HECW2: variants seen among roughly 807,000 people sequenced by gnomAD.
HECW2 encodes HECT, C2 and WW domain containing E3 ubiquitin protein ligase 2.
Under a neutral mutation model 175.2 loss-of-function variants are expected in HECW2, and 61 were observed. That is an observed-to-expected ratio of 0.35 (90% CI 0.28 to 0.43). The LOEUF is 0.43. HECW2 is among the 20% of genes least tolerant of loss of function. The pLI is 1.00. For synonymous variants in HECW2, 671 were observed against 731.0 expected, an observed-to-expected ratio of 0.92 and a Z score of 1.32; for missense variants, 1,524 against 2,000.5, an observed-to-expected ratio of 0.76 and a Z score of 4.54.
intron 1 of HECW2, among the ~76,000 whole-genome samples, chr2:196,444,199 G>A (rs1369788701): frequency 1.3e-5 from 2 of 152,154 alleles, no homozygotes; most frequent in South Asian, 2.1e-4. Flanking sequence ...AACATTACCT[G>A]TAGTTAAGTT....
rs1365319286 is a variant in HECW2, at chr2:196,209,757, C to CTTTTTT, written c.4607+6107_4607+6108insAAAAAA. The stretch of plus-strand genomic sequence containing the variant: ...TCTCTTGTTCTGATGGTTTTTCTTT[C>CTTTTTT]TTTCTTTCTTTTTTTTTTTTTTTTG... On this transcript the variant is annotated intron_variant, in intron 28 of 28. Coordinates refer to ENST00000644978, the MANE Select transcript of HECW2 (RefSeq NM_001348768.2). Among the ~76,000 whole-genome samples the CTTTTTT allele has an allele frequency of 9.4e-4, 134 of 142,390 alleles. 3 individuals carry two copies. The highest frequency in any genetic ancestry group is 3.3e-3 in the African/African-American group (123 of 37,598). 93.4% of individuals were successfully genotyped at this position (142,390 alleles called of 152,430 possible).
chr2:196,240,691 T>C, intron 20 of HECW2, 129 bp from the exon 21 acceptor site: 1 of 904,142 alleles, frequency 1.1e-6, no homozygotes, highest in Non-Finnish European at 1.6e-6. Context: ...TTAATATCAT[T>C]GCTGTCTGCA....
rs768301093 is a variant in HECW2, at chr2:196,236,449, TAATAC to T, written c.3764+3995_3764+3999del. On this transcript the variant is annotated intron_variant, in intron 21 of 28. Transcript: ENST00000644978. ...CACAGATTAACATCTTACATTAGTATAATACATTTGTTATAATTAATAAACCAATA... is the reference window on the plus strand; with the variant it reads ...CACAGATTAACATCTTACATTAGTATATTTGTTATAATTAATAAACCAATA... Among the ~76,000 whole-genome samples the T allele has an allele frequency of 1.8e-3, 272 of 152,364 alleles. 2 individuals carry two copies. Among genetic ancestry groups the T allele is most frequent in the African/African-American group, 5.1e-3 (212 of 41,578 alleles).
At chr2:196,472,261 A>T (rs976551276) in intron 1 of HECW2, among the ~76,000 whole-genome samples, 4 of 152,062 alleles carry the variant, frequency 2.6e-5, no homozygotes, top group Non-Finnish European at 5.9e-5. Context: ...AGACAGGAGG[A>T]TCACTTGAGG....
intron 1 of HECW2, among the ~76,000 whole-genome samples, chr2:196,591,550 AAAAG>A (rs1691192519): frequency 6.6e-6 from 1 of 152,238 alleles, no homozygotes; most frequent in African/African-American, 2.4e-5. Flanking sequence ...ATGTTCAACA[AAAAG>A]AAAAATTAAA....
intron 19 of HECW2, among the ~76,000 whole-genome samples, chr2:196,252,202 T>TAATAAC (rs1688882005): frequency 7.0e-6 from 1 of 142,750 alleles, no homozygotes; most frequent in African/African-American, 2.5e-5. Context: ...ATAATAATAA[T>TAATAAC]AATAATAATA....
At chr2:196,350,332 T>C (rs1266345554) in intron 2 of HECW2, among the ~76,000 whole-genome samples, 1 of 152,168 alleles carries the variant, frequency 6.6e-6, no homozygotes. Flanking sequence ...GCCACTGCAC[T>C]CCGGCCTGGG....
chr2:196,404,620 A>C (rs576623868), intron 2 of HECW2, among the ~76,000 whole-genome samples: 3 of 152,060 alleles, frequency 2.0e-5, no homozygotes, highest in Non-Finnish European at 4.4e-5. Context: ...ACATTTCTGC[A>C]TTCAAACATT....
intron 1 of HECW2, among the ~76,000 whole-genome samples, chr2:196,476,947 CAAAAAAAAAAAAA>C (rs35714216): frequency 1.7e-5 from 1 of 57,404 alleles, no homozygotes; most frequent in Admixed American, 3.1e-4. Flanking sequence ...CCCATCTCCA[CAAAAAAAAAAAAA>C]AAAAAAAAAA....
intron 15 of HECW2, among the ~76,000 whole-genome samples, chr2:196,275,707 G>A (rs892901435): frequency 9.3e-5 from 14 of 150,884 alleles, no homozygotes; most frequent in Admixed American, 2.0e-4. Flanking sequence ...AGCAAAGATC[G>A]CACCACTGCA....
chr2:196,553,237 A>ACATGTCATAGTG (rs1292215735), intron 1 of HECW2, among the ~76,000 whole-genome samples: 1 of 152,242 alleles, frequency 6.6e-6, no homozygotes, highest in Non-Finnish European at 1.5e-5. Context: ...AGTATGCACT[A>ACATGTCATAGTG]CATGTAGTAA....
chr2:196,454,996 AT>A (rs1477776526), intron 1 of HECW2, among the ~76,000 whole-genome samples: 2 of 151,810 alleles, frequency 1.3e-5, no homozygotes, highest in Non-Finnish European at 2.9e-5. Context: ...ATCTGTATTC[AT>A]TTGATTATTT....
intron 1 of HECW2, among the ~76,000 whole-genome samples, chr2:196,503,074 C>T (rs1389882255): frequency 1.3e-5 from 2 of 152,126 alleles, no homozygotes; most frequent in East Asian, 3.9e-4. Flanking sequence ...CACAAGGGGC[C>T]TCACCTCTGC....
chr2:196,460,116 A>T lies in HECW2; in HGVS notation c.-35-26658T>A, dbSNP rs560481956. On this transcript the variant is annotated intron_variant, in intron 1 of 28. Transcript: ENST00000644978. ...CAGGCTGCAACCCTTTATGAAAAAT[A>T]AAGCTCTCCTTTCCAAATTTATGAA... Among the ~76,000 whole-genome samples, 7 of 152,314 alleles carry T rather than the reference A, an allele frequency of 4.6e-5. No individual in the cohort carries two copies. The South Asian group carries it at 1.5e-3, about 32-fold the overall frequency.
intron 2 of HECW2, among the ~76,000 whole-genome samples, chr2:196,364,695 A>T (rs1347244705): frequency 6.6e-6 from 1 of 152,232 alleles, no homozygotes; most frequent in Non-Finnish European, 1.5e-5. Context: ...GAACAAAATA[A>T]ACATAGCCCC....
chr2:196,225,601 A>T (rs186871569), intron 23 of HECW2, among the ~76,000 whole-genome samples, 171 bp downstream of exon 23: 23 of 152,342 alleles, frequency 1.5e-4, no homozygotes, highest in African/African-American at 5.0e-4. Context: ...AAAACACAGT[A>T]ATCATATTTG....
chr2:196,206,586 T>C (rs940996711), intron 28 of HECW2, among the ~76,000 whole-genome samples: 7 of 152,248 alleles, frequency 4.6e-5, no homozygotes, highest in African/African-American at 1.7e-4. Flanking sequence ...AATAAGTACT[T>C]ACTAAGCATA....
intron 1 of HECW2, among the ~76,000 whole-genome samples, chr2:196,578,534 A>G (rs1429543929): frequency 6.6e-6 from 1 of 152,232 alleles, no homozygotes; most frequent in Non-Finnish European, 1.5e-5. Context: ...CAAACAGGAT[A>G]AACTAAAAAA....
intron 1 of HECW2, among the ~76,000 whole-genome samples, chr2:196,503,196 C>T (rs369376034): frequency 1.3e-5 from 2 of 152,104 alleles, no homozygotes; most frequent in African/African-American, 4.8e-5. Flanking sequence ...TCTCTGTTTG[C>T]CCCCAGTAGG....
Sources: gnomAD v4.1 joint callset for allele counts (sites outside exome capture counted in the v4.1 genomes callset) on GRCh38, gnomAD v4.1.1 for gene constraint, MANE v1.5 for transcripts, NCBI Gene and HGNC (gene_info 2026-07-23, HGNC 2026-07-21) for gene names.